The following CNTN1 variants were observed in gnomAD, a reference collection of about 807,000 sequenced individuals.
The protein encoded by CNTN1 is contactin-1.
CNTN1 carries 38 observed loss-of-function variants against 126.4 expected under a neutral mutation model. The ratio of observed to expected loss-of-function variants is 0.30; its 90% confidence interval spans 0.23 to 0.39. The LOEUF (loss-of-function observed/expected upper bound fraction) is 0.39, where lower values mean the gene tolerates loss of function less well. CNTN1 is among the 10% of genes least tolerant of loss of function. The probability of loss-of-function intolerance (pLI) is 1.00; values close to 1 mark genes in which losing one functional copy is unlikely to be tolerated. For synonymous variants in CNTN1, 413 were observed against 422.6 expected, an observed-to-expected ratio of 0.98 and a Z score of 0.28; for missense variants, 1,009 against 1,248.4, an observed-to-expected ratio of 0.81 and a Z score of 2.89.
chr12:41,036,185 A>C (rs1435488836), intron 23 of CNTN1, among the ~76,000 whole-genome samples: 1 of 152,130 alleles, frequency 6.6e-6, no homozygotes, highest in Non-Finnish European at 1.5e-5. Context: ...ATAAATGGTT[A>C]AAGAGTGTAT....
chr12:40,933,612 G>T, intron 8 of CNTN1, 52 bp downstream of exon 8: 1 of 1,531,250 alleles, frequency 6.5e-7, no homozygotes, highest in Non-Finnish European at 9.0e-7. Flanking sequence ...ACCATTTTAG[G>T]AAATAAATAA....
intron 23 of CNTN1, among the ~76,000 whole-genome samples, chr12:41,060,020 G>A (rs11179652): frequency 1.3e-3 from 197 of 151,146 alleles, no homozygotes; most frequent in Admixed American, 2.2e-3. Context: ...TGAGTTTGTC[G>A]GAAAAAAAAA....
chr12:40,797,934 G>A (rs1940504614), intron 1 of CNTN1, among the ~76,000 whole-genome samples: 1 of 152,026 alleles, frequency 6.6e-6, no homozygotes. Flanking sequence ...AATGTCAAGA[G>A]TTCAATTGTG....
At chr12:40,828,403 G>A (rs1426554074) in intron 1 of CNTN1, 2 of 152,156 alleles carry the variant, frequency 1.3e-5, no homozygotes, top group African/African-American at 4.8e-5. Flanking sequence ...TCAGACCTTA[G>A]TATTGCAATG....
At chr12:40,984,754 T>C (rs757277245) in intron 16 of CNTN1, among the ~76,000 whole-genome samples, 2 of 152,160 alleles carry the variant, frequency 1.3e-5, no homozygotes, top group Non-Finnish European at 2.9e-5. Context: ...ACTTTGCTCC[T>C]ACCTGTCCCC....
intron 15 of CNTN1, among the ~76,000 whole-genome samples, chr12:40,966,180 A>G (rs1171380658): frequency 6.6e-6 from 1 of 152,118 alleles, no homozygotes; most frequent in Non-Finnish European, 1.5e-5. Flanking sequence ...CATTTACCTC[A>G]GATATTTGGA....
intron 1 of CNTN1, among the ~76,000 whole-genome samples, chr12:40,708,195 A>G (rs778654586): frequency 1.3e-5 from 2 of 152,152 alleles, no homozygotes; most frequent in East Asian, 1.9e-4. Flanking sequence ...TTAATTAACT[A>G]TTGGGTTTCT....
intron 1 of CNTN1, among the ~76,000 whole-genome samples, chr12:40,813,839 C>T (rs528026491): frequency 1.3e-5 from 2 of 152,302 alleles, no homozygotes; most frequent in African/African-American, 4.8e-5. Flanking sequence ...TATTTCTCCA[C>T]AGCCTCGCCA....
chr12:40,797,151 T>C (rs17541621), intron 1 of CNTN1, among the ~76,000 whole-genome samples: 19,963 of 152,058 alleles, frequency 0.13, 1,527 homozygotes, highest in South Asian at 0.2. Context: ...AGCAGAGATA[T>C]GAGGGTAAGT....
chr12:40,830,962 T>TATATATAC (rs1405165659), intron 1 of CNTN1, among the ~76,000 whole-genome samples: 2 of 128,796 alleles, frequency 1.6e-5, no homozygotes, highest in African/African-American at 5.8e-5. Flanking sequence ...TATATATATA[T>TATATATAC]ACACACACAC....
chr12:40,992,471 G>A (rs899412433), intron 16 of CNTN1, among the ~76,000 whole-genome samples: 1 of 151,814 alleles, frequency 6.6e-6, no homozygotes, highest in Non-Finnish European at 1.5e-5. Flanking sequence ...TTGGTTGCAT[G>A]TTTTATTATA....
At chr12:40,833,805 TA>T (rs2136559484) in intron 1 of CNTN1, among the ~76,000 whole-genome samples, 1 of 152,346 alleles carries the variant, frequency 6.6e-6, no homozygotes, top group East Asian at 1.9e-4. Context: ...TAATTTGTAG[TA>T]TGTCATATCT....
At chr12:40,716,244 C>T (rs886945030) in intron 1 of CNTN1, among the ~76,000 whole-genome samples, 1 of 151,720 alleles carries the variant, frequency 6.6e-6, no homozygotes, top group African/African-American at 2.4e-5. Flanking sequence ...GTCTCTCTCT[C>T]TCCTTTTCTT....
In CNTN1 at chr12:40,692,440, G is replaced by T; in HGVS notation, c.-229G>T. On this transcript the variant is annotated 5_prime_UTR_variant, in exon 1 of 24. Transcript: ENST00000551295. ...CCCCAATAACCGCCCTAAAAGGCCGGGCTTCTGCTGTCAAGTAGCCAGGGT... is the reference window on the plus strand; with the variant it reads ...CCCCAATAACCGCCCTAAAAGGCCGTGCTTCTGCTGTCAAGTAGCCAGGGT... 1 of 152,592 alleles carries T rather than the reference G, an allele frequency of 6.6e-6. No individual in the cohort carries two copies. The highest frequency in any genetic ancestry group is 1.5e-5 in the Non-Finnish European group (1 of 68,250). The allele number at this position is 152,592 out of a possible 1,614,324, so 9.5% of individuals were successfully genotyped here. A position where few individuals can be genotyped will look rare whatever the true frequency, so the allele number is the denominator to read the frequency against.
chr12:40,914,635 A>G (rs1945165701), intron 3 of CNTN1, among the ~76,000 whole-genome samples: 1 of 152,168 alleles, frequency 6.6e-6, no homozygotes, highest in Non-Finnish European at 1.5e-5. Flanking sequence ...AAAGGGAAAT[A>G]TCTTAACTGC....
chr12:40,763,523 C>T (rs1277943730), intron 1 of CNTN1, among the ~76,000 whole-genome samples: 1 of 151,936 alleles, frequency 6.6e-6, no homozygotes, highest in Admixed American at 6.6e-5. Context: ...AGGGAAGAAA[C>T]ACATTGTATT....
intron 1 of CNTN1, among the ~76,000 whole-genome samples, chr12:40,875,685 A>G (rs1943645427): frequency 6.6e-6 from 1 of 152,148 alleles, no homozygotes; most frequent in East Asian, 1.9e-4. Context: ...TGTTGCATGT[A>G]TAAATATTTC....
intron 15 of CNTN1, among the ~76,000 whole-genome samples, chr12:40,977,904 G>C (rs1036209094): frequency 2.0e-5 from 3 of 152,068 alleles, no homozygotes; most frequent in Admixed American, 6.6e-5. Flanking sequence ...CCAGGTTCAA[G>C]CAATTCTCCT....
chr12:40,800,609 A>G (rs915371989), intron 1 of CNTN1, among the ~76,000 whole-genome samples: 1 of 152,002 alleles, frequency 6.6e-6, no homozygotes, highest in East Asian at 1.9e-4. Flanking sequence ...TGACGGCTTA[A>G]TCATTGAGAG....
Sources: gnomAD v4.1 joint callset for allele counts (sites outside exome capture counted in the v4.1 genomes callset) on GRCh38, gnomAD v4.1.1 for gene constraint, MANE v1.5 for transcripts, NCBI Gene and HGNC (gene_info 2026-07-23, HGNC 2026-07-21) for gene names.